The following PYM1 variants were observed in gnomAD, a reference collection of about 807,000 sequenced individuals.
PYM1 encodes PYM1 exon junction complex associated factor.
PYM1 carries 7 observed loss-of-function variants against 20.7 expected under a neutral mutation model. That is an observed-to-expected ratio of 0.34 (90% CI 0.19 to 0.64). The LOEUF is 0.64. Among genes scored for constraint, PYM1 ranks in the 30% least tolerant of loss-of-function variants. The pLI is 0.74. For synonymous variants in PYM1, 100 were observed against 99.2 expected, an observed-to-expected ratio of 1.01 and a Z score of -0.05; for missense variants, 194 against 250.0, an observed-to-expected ratio of 0.78 and a Z score of 1.51.
chr12:55,911,283 A>G, intron 1 of PYM1, among the ~76,000 whole-genome samples: 1 of 151,416 alleles, frequency 6.6e-6, no homozygotes, highest in Admixed American at 6.6e-5. Flanking sequence ...TAATTTTTAT[A>G]TATTTTTAAG....
At position 55,927,893 on chromosome 12, in the gene PYM1, G is replaced by C; in HGVS notation, c.-132C>G. 8.2e-7 allele frequency: 1 copy of C among 1,214,046 alleles called. No homozygotes were observed. The highest frequency in any genetic ancestry group is 1.1e-6 in the Non-Finnish European group (1 of 889,624). The allele number at this position is 1,214,046 out of a possible 1,614,324, so 75.2% of individuals were successfully genotyped here. Reference sequence around the variant, plus strand: ...TCTCGCCCAGACCTCCTAACCCTGAGTGCCTCCTCGGGCTGGGCCCTAGGG... The same window carrying C: ...TCTCGCCCAGACCTCCTAACCCTGACTGCCTCCTCGGGCTGGGCCCTAGGG... On this transcript the variant is annotated 5_prime_UTR_variant, in exon 1 of 3. Transcript: ENST00000408946.
At chr12:55,905,915 ATAT>A (rs1429006433) in intron 1 of PYM1, among the ~76,000 whole-genome samples, 12 of 112,054 alleles carry the variant, frequency 1.1e-4, no homozygotes, top group African/African-American at 1.2e-4. Context: ...ATAGATATAT[ATAT>A]TATTATATAT....
intron 1 of PYM1, among the ~76,000 whole-genome samples, chr12:55,926,607 A>C (rs1000000622): frequency 1.3e-5 from 2 of 152,132 alleles, no homozygotes; most frequent in Non-Finnish European, 2.9e-5. Context: ...GGAGAGGAAA[A>C]GGTACTATGT....
At chr12:55,910,618 A>AT (rs1265378209) in intron 1 of PYM1, among the ~76,000 whole-genome samples, 1 of 151,902 alleles carries the variant, frequency 6.6e-6, no homozygotes, top group East Asian at 1.9e-4. Flanking sequence ...AATTTTTTGT[A>AT]TTTTTAGTAG....
At chr12:55,920,127 C>A (rs1883073638) in intron 1 of PYM1, among the ~76,000 whole-genome samples, 1 of 151,798 alleles carries the variant, frequency 6.6e-6, no homozygotes, top group Non-Finnish European at 1.5e-5. Context: ...TGCTTGACCC[C>A]AACAGTTAAG....
rs1165296770 is a variant in PYM1, at chr12:55,903,487, TAAG to T, written c.38-10_38-8del. 86 of 1,612,278 alleles carry T rather than the reference TAAG, an allele frequency of 5.3e-5. No individual in the cohort carries two copies. Among genetic ancestry groups the T allele is most frequent in the Non-Finnish European group, 7.2e-5 (85 of 1,179,460 alleles). On this transcript the variant is annotated splice_polypyrimidine_tract_variant and splice_region_variant and intron_variant, in intron 1 of 2. Coordinates refer to ENST00000408946, the MANE Select transcript of PYM1 (RefSeq NM_032345.3). ...GTTGACGCGATATACTTGCCTAAAA[TAAG>T]AAAAATCAAGTTGAAAATTACTCTT...
At chr12:55,908,359 G>A (rs1304880390) in intron 1 of PYM1, among the ~76,000 whole-genome samples, 1 of 151,704 alleles carries the variant, frequency 6.6e-6, no homozygotes, top group Non-Finnish European at 1.5e-5. Context: ...AGCCCAGGAG[G>A]TGGAGTTTGC....
chr12:55,920,592 C>T (rs1373651022), intron 1 of PYM1, among the ~76,000 whole-genome samples: 3 of 149,424 alleles, frequency 2.0e-5, no homozygotes, highest in East Asian at 3.9e-4. Context: ...GAGCAGAGAT[C>T]GCACCACTGC....
At chr12:55,927,536 C>A in intron 1 of PYM1, 189 bp downstream of exon 1, 1 of 734,954 alleles carries the variant, frequency 1.4e-6, no homozygotes, top group South Asian at 1.7e-5. Context: ...GGCTTGGTGA[C>A]GTGGAGCAGA....
chr12:55,926,675 G>C (rs371356454), intron 1 of PYM1, among the ~76,000 whole-genome samples: 50 of 152,264 alleles, frequency 3.3e-4, no homozygotes, highest in Middle Eastern at 3.4e-3. Context: ...AAACGGGACT[G>C]GGGTAGGGCA....
intron 1 of PYM1, among the ~76,000 whole-genome samples, chr12:55,907,192 G>A (rs1592635768): frequency 6.6e-6 from 1 of 151,684 alleles, no homozygotes; most frequent in South Asian, 2.1e-4. Flanking sequence ...GGCCAGATGC[G>A]GCGGTTCACA....
intron 1 of PYM1, chr12:55,926,954 G>A (rs1883200109): frequency 1.2e-5 from 12 of 1,037,590 alleles, no homozygotes; most frequent in Non-Finnish European, 1.5e-5. Flanking sequence ...GAATGGGGAA[G>A]GCGGTCCGGG....
Position 55,903,464 on chromosome 12 carries a change from T to C in PYM1, c.54A>G (p.Ser18=). The C allele has an allele frequency of 6.2e-7, 1 of 1,614,078 alleles. No homozygotes were observed. Among genetic ancestry groups the C allele is most frequent in the Non-Finnish European group, 8.5e-7 (1 of 1,180,004 alleles). ...GCCAGGTCCCGTCAGGTCGCTGTGT[T>C]GACGCGATATACTTGCCTAAAATAA... ...AATETGKYIA[S]TQRPDGTWRK... Residue 18 remains serine (S), a synonymous_variant, in exon 2 of 3, where the codon TCA becomes TCG. Coordinates refer to ENST00000408946, the MANE Select transcript of PYM1 (RefSeq NM_032345.3).
At chr12:55,905,739 T>TA (rs1555180493) in intron 1 of PYM1, among the ~76,000 whole-genome samples, 16 of 130,738 alleles carry the variant, frequency 1.2e-4, no homozygotes, top group African/African-American at 3.6e-4. Context: ...TATATATATA[T>TA]TTTATAGAAT....
intron 1 of PYM1, among the ~76,000 whole-genome samples, chr12:55,904,505 C>G (rs1052806986): frequency 1.4e-5 from 2 of 138,418 alleles, no homozygotes; most frequent in Non-Finnish European, 3.0e-5. Flanking sequence ...CTGAGGCAGG[C>G]AAATCACTTG....
rs758199119 is a variant in PYM1 at position 55,901,836 on chromosome 12, T to A, written c.*36A>T. The A allele has an allele frequency of 3.3e-5, 51 of 1,558,240 alleles. No individual in the cohort carries two copies. Among genetic ancestry groups the A allele is most frequent in the Non-Finnish European group, 4.0e-5 (46 of 1,154,830 alleles). On this transcript the variant is annotated 3_prime_UTR_variant, in exon 3 of 3. Transcript: ENST00000408946. ...CCCCAGACCCCAGAGAGCCCCACGG[T>A]TTGTTCTGCAGTCCATTCCCTATTC...
At chr12:55,912,622 T>A (rs543216080) in intron 1 of PYM1, among the ~76,000 whole-genome samples, 27 of 150,298 alleles carry the variant, frequency 1.8e-4, no homozygotes, top group Non-Finnish European at 3.4e-4. Flanking sequence ...ATTTACCTCT[T>A]GCTAGTTTTC....
intron 1 of PYM1, among the ~76,000 whole-genome samples, chr12:55,912,035 A>G (rs1882932712): frequency 1.3e-5 from 2 of 152,118 alleles, no homozygotes. Context: ...CCCTATCTCT[A>G]TTTTAAAAAC....
chr12:55,927,860 T>C lies in PYM1; in HGVS notation c.-99A>G, dbSNP rs972357077. The C allele has an allele frequency of 5.5e-6, 8 of 1,444,156 alleles. No homozygotes were observed. Among genetic ancestry groups the C allele is most frequent in the Non-Finnish European group, 7.4e-6 (8 of 1,079,486 alleles). 89.5% of individuals were successfully genotyped at this position (1,444,156 alleles called of 1,614,324 possible). A position where few individuals can be genotyped will look rare whatever the true frequency, so the allele number is the denominator to read the frequency against. ...TTCGGCGGCGAAGTGATGAGGGCCC[T>C]AGTTGCTTCTCGCCCAGACCTCCTA... is the stretch of plus-strand genomic sequence containing the variant. On this transcript the variant is annotated 5_prime_UTR_variant, in exon 1 of 3. Coordinates refer to ENST00000408946, the MANE Select transcript of PYM1 (RefSeq NM_032345.3).
Sources: allele counts gnomAD v4.1 joint callset (sites outside exome capture counted in the v4.1 genomes callset), GRCh38; gene constraint gnomAD v4.1.1; transcripts MANE v1.5; gene names NCBI Gene and HGNC (gene_info 2026-07-23, HGNC 2026-07-21).